JARID2: variants seen among roughly 807,000 people sequenced by gnomAD.
JARID2 encodes jumonji and AT-rich interaction domain containing 2.
A neutral mutation model predicts 125.6 loss-of-function variants in JARID2; 21 were observed. The ratio of observed to expected loss-of-function variants is 0.17; its 90% CI spans 0.12 to 0.24. JARID2 has a LOEUF of 0.24. Among genes scored for constraint, JARID2 ranks in the 10% least tolerant of loss-of-function variants. JARID2 has a pLI of 1.00. For synonymous variants in JARID2, 736 were observed against 661.6 expected (o/e 1.11, Z -1.73); for missense variants, 1,303 against 1,639.6 (o/e 0.79, Z 3.55).
At chr6:15,271,522 G>T (rs565632582) in intron 1 of JARID2, among the ~76,000 whole-genome samples, 40 of 152,338 alleles carry the variant, frequency 2.6e-4, no homozygotes, top group African/African-American at 8.7e-4. Flanking sequence ...TGTTATAGAA[G>T]ATCCAGGCCT....
chr6:15,428,958 CTAGAG>C (rs1490714987), intron 3 of JARID2, among the ~76,000 whole-genome samples: 2 of 135,778 alleles, frequency 1.5e-5, no homozygotes, highest in East Asian at 2.4e-4. Flanking sequence ...AAAAAAACTT[CTAGAG>C]TATAGTCCTC....
chr6:15,430,637 G>A (rs1354047001), intron 3 of JARID2, among the ~76,000 whole-genome samples: 3 of 152,206 alleles, frequency 2.0e-5, no homozygotes, highest in Non-Finnish European at 4.4e-5. Flanking sequence ...GTAGTGAGAT[G>A]TCCATCTGTG....
chr6:15,399,194 T>TTAGAAGGC (rs1765329353), intron 2 of JARID2, among the ~76,000 whole-genome samples: 1 of 152,202 alleles, frequency 6.6e-6, no homozygotes, highest in Non-Finnish European at 1.5e-5. Context: ...CTGGCAGCCA[T>TTAGAAGGC]TGGAGAGCAC....
chr6:15,392,409 G>GC lies in JARID2; in HGVS notation c.182-17810dup, dbSNP rs972949203. On this transcript the variant is annotated intron_variant, in intron 2 of 17. Coordinates refer to ENST00000341776, the MANE Select transcript of JARID2 (RefSeq NM_004973.4). ...GATTTGTCAGCCTGCTGCTGCATTT[G>GC]CCCCCTGAAAAGGATTCACCTTCTG... 2.0e-5 allele frequency among the ~76,000 whole-genome samples: 3 copies of GC among 152,156 alleles called. No individual in the cohort carries two copies. In the East Asian group the frequency reaches 5.8e-4, roughly 29 times the overall value.
intron 1 of JARID2, among the ~76,000 whole-genome samples, chr6:15,288,072 C>T (rs1329287453): frequency 2.6e-5 from 4 of 152,138 alleles, no homozygotes; most frequent in Admixed American, 1.3e-4. Context: ...GTGACCACCA[C>T]GGCAAAGGGG....
At chr6:15,336,598 T>A (rs1395186937) in intron 1 of JARID2, among the ~76,000 whole-genome samples, 1 of 152,030 alleles carries the variant, frequency 6.6e-6, no homozygotes, top group Non-Finnish European at 1.5e-5. Flanking sequence ...GTTAAAAACA[T>A]ACCCCCTTCA....
intron 1 of JARID2, among the ~76,000 whole-genome samples, chr6:15,301,360 A>G (rs1311957332): frequency 6.6e-6 from 1 of 152,200 alleles, no homozygotes; most frequent in African/African-American, 2.4e-5. Context: ...CATGAGTTCT[A>G]TACATTTTGG....
chr6:15,401,385 G>A (rs1240714083), intron 2 of JARID2, among the ~76,000 whole-genome samples: 1 of 152,144 alleles, frequency 6.6e-6, no homozygotes, highest in Non-Finnish European at 1.5e-5. Flanking sequence ...CATTTCTCTG[G>A]AGACTGAATG....
chr6:15,261,029 G>GTT lies in JARID2; in HGVS notation c.45+14446_45+14447insTT, dbSNP rs368475346. Among the ~76,000 whole-genome samples the GTT allele has an allele frequency of 6.0e-3, 916 of 152,266 alleles. 10 individuals carry two copies. Among genetic ancestry groups the GTT allele is most frequent in the African/African-American group, 0.021 (853 of 41,556 alleles). ...AGCATTAGGCAAAAGCCTCTTGGGA[G>GTT]TATAAATAATGATGATTATAAAGAA... On this transcript the variant is annotated intron_variant, in intron 1 of 17. Transcript: ENST00000341776.
intron 5 of JARID2, among the ~76,000 whole-genome samples, chr6:15,484,598 C>T (rs561086778): frequency 1.3e-5 from 2 of 152,172 alleles, no homozygotes; most frequent in Non-Finnish European, 2.9e-5. Context: ...GATGTTCTAC[C>T]TACCGGAACA....
intron 8 of JARID2, 107 bp downstream of exon 8, chr6:15,501,516 G>T: frequency 1.8e-6 from 2 of 1,093,638 alleles, no homozygotes; most frequent in Admixed American, 3.0e-5. Flanking sequence ...TGATTCCCTG[G>T]GGTGATGAGG....
chr6:15,384,249 G>A (rs1214915063), intron 2 of JARID2, among the ~76,000 whole-genome samples: 1 of 152,118 alleles, frequency 6.6e-6, no homozygotes, highest in Non-Finnish European at 1.5e-5. Flanking sequence ...ACCACGCCCG[G>A]CTAATTTTTA....
intron 2 of JARID2, among the ~76,000 whole-genome samples, chr6:15,391,022 T>C (rs1764979728): frequency 6.6e-6 from 1 of 152,220 alleles, no homozygotes. Flanking sequence ...CCTGGAAGAA[T>C]GTAAACATTT....
chr6:15,458,957 A>G (rs942055487), intron 4 of JARID2, among the ~76,000 whole-genome samples: 1 of 152,248 alleles, frequency 6.6e-6, no homozygotes, highest in Non-Finnish European at 1.5e-5. Context: ...GGGTGACATC[A>G]TAATACACCT....
Position 15,496,756 on chromosome 6 carries a change from A to G in JARID2, c.1531A>G (p.Arg511Gly). ...CACGGCCGGGAAGAGCACGCCAGGC[A>G]GACAAGCACATGGCAAGGCGGACAG... The part of the protein sequence containing the change: ...RATAGKSTPG[R>G]QAHGKADSAS... The change falls in exon 7 of 18, where the codon AGA becomes GGA. Residue 511 changes from arginine (R) to glycine (G), a missense_variant. Coordinates refer to ENST00000341776, the MANE Select transcript of JARID2 (RefSeq NM_004973.4). The G allele has an allele frequency of 6.2e-7, 1 of 1,613,622 alleles. No individual in the cohort carries two copies. The highest frequency in any genetic ancestry group is 1.1e-5 in the South Asian group (1 of 91,054).
At chr6:15,311,880 C>T (rs1002870705) in intron 1 of JARID2, among the ~76,000 whole-genome samples, 2 of 152,042 alleles carry the variant, frequency 1.3e-5, no homozygotes, top group Non-Finnish European at 2.9e-5. Flanking sequence ...GAATTTTCCA[C>T]ATTTGGACCA....
At chr6:15,488,705 T>G (rs1770000741) in intron 6 of JARID2, among the ~76,000 whole-genome samples, 1 of 152,186 alleles carries the variant, frequency 6.6e-6, no homozygotes, top group Non-Finnish European at 1.5e-5. Flanking sequence ...CAGACAGGTA[T>G]GTATGCATGC....
intron 16 of JARID2, among the ~76,000 whole-genome samples, chr6:15,514,111 C>G (rs978265977): frequency 4.6e-5 from 7 of 152,232 alleles, no homozygotes; most frequent in Admixed American, 6.5e-5. Flanking sequence ...CCTCCCCCTG[C>G]TCACCCCTGT....
At chr6:15,327,202 G>GT (rs1440519496) in intron 1 of JARID2, among the ~76,000 whole-genome samples, 2 of 151,864 alleles carry the variant, frequency 1.3e-5, no homozygotes, top group African/African-American at 4.8e-5. Context: ...TTAAAAATTT[G>GT]TTTTTTAAAT....
Sources: gnomAD v4.1 joint callset for allele counts (sites outside exome capture counted in the v4.1 genomes callset) on GRCh38, gnomAD v4.1.1 for gene constraint, MANE v1.5 for transcripts, NCBI Gene and HGNC (gene_info 2026-07-23, HGNC 2026-07-21) for gene names.